Variants in PCDHA1 observed in about 807,000 individuals in gnomAD.
The protein encoded by PCDHA1 is protocadherin alpha-1.
A neutral mutation model predicts 61.3 loss-of-function variants in PCDHA1; 42 were observed. The ratio of observed to expected loss-of-function variants is 0.69; its 90% confidence interval spans 0.54 to 0.89. The LOEUF is 0.89. Among genes scored for constraint, PCDHA1 ranks in the 40% least tolerant of loss-of-function variants. PCDHA1 has a pLI of 0.00. For missense variants in PCDHA1, 1,256 were observed against 1,235.3 expected (o/e 1.02, Z -0.25); for synonymous variants, 610 against 553.8 (o/e 1.10, Z -1.43).
At chr5:140,987,668 G>C (rs1262402590) in intron 3 of PCDHA1, among the ~76,000 whole-genome samples, 1 of 152,082 alleles carries the variant, frequency 6.6e-6, no homozygotes, top group Non-Finnish European at 1.5e-5. Context: ...GAACAATCAG[G>C]GTTTAGTAAA....
At chr5:140,877,663 C>G in intron 1 of PCDHA1, 4 of 1,613,552 alleles carry the variant, frequency 2.5e-6, no homozygotes, top group Non-Finnish European at 3.4e-6. Context: ...CACCGTGAGC[C>G]GGTGCGCGCC....
In PCDHA1 at chr5:140,850,012, G is replaced by A. The variant is rs1415063137; in HGVS notation, c.2394+61328G>A. On this transcript the variant is annotated intron_variant, in intron 1 of 3. Transcript: ENST00000504120. ...CGGTTGGGCGAGCGCTCGCTGTCGAGCTACGTGTCAGTGCACGCGGAGAGC... is the reference window on the plus strand; with the variant it reads ...CGGTTGGGCGAGCGCTCGCTGTCGAACTACGTGTCAGTGCACGCGGAGAGC... 5 of 1,596,912 alleles carry A rather than the reference G, an allele frequency of 3.1e-6. 1 individual carries two copies. In the African/African-American group the frequency reaches 5.4e-5, roughly 17 times the overall value.
At chr5:141,007,749 T>C (rs2098343750) in intron 3 of PCDHA1, among the ~76,000 whole-genome samples, 2 of 152,334 alleles carry the variant, frequency 1.3e-5, no homozygotes, top group South Asian at 4.1e-4. Flanking sequence ...AAGATAACTT[T>C]GGACTCTTAT....
chr5:140,968,232 G>T, intron 1 of PCDHA1: 2 of 1,613,990 alleles, frequency 1.2e-6, no homozygotes, highest in Non-Finnish European at 1.7e-6. Context: ...GTGTTGCTCT[G>T]TACTGTGCAA....
rs192376340 is a variant in PCDHA1 at position 140,857,538 on chromosome 5, G to A, written c.2394+68854G>A. The A allele has an allele frequency of 8.8e-6, 14 of 1,597,348 alleles. No individual in the cohort carries two copies. In the East Asian group the frequency reaches 3.1e-4, roughly 36 times the overall value. On this transcript the variant is annotated intron_variant, in intron 1 of 3. Transcript: ENST00000504120. ...GTGTCCTACTCTCTGGTGGAGCGGC[G>A]GTTGGGCGAGCGCTCGCTGTCGAGC... is the stretch of plus-strand genomic sequence containing the variant.
In PCDHA1 at chr5:141,007,395, CAAAAAAAAA is replaced by C. The variant is rs35800918; in HGVS notation, c.2543-2217_2543-2209del. 1.6e-4 allele frequency among the ~76,000 whole-genome samples: 15 copies of C among 94,844 alleles called. No individual in the cohort carries two copies. The East Asian group carries it at 2.4e-3, about 15-fold the overall frequency. The allele number at this position is 94,844 out of a possible 152,430, so 62.2% of individuals were successfully genotyped here. A position where few individuals can be genotyped will look rare whatever the true frequency, so the allele number is the denominator to read the frequency against. On this transcript the variant is annotated intron_variant, in intron 3 of 3. Transcript: ENST00000504120. The stretch of plus-strand genomic sequence containing the variant: ...ATGGAACACCATCTCTACTAAAATA[CAAAAAAAAA>C]AAAAAAAAAAAAAATTAGCCAGGCA...
chr5:140,970,423 G>A (rs2096404787), intron 1 of PCDHA1, among the ~76,000 whole-genome samples: 1 of 151,762 alleles, frequency 6.6e-6, no homozygotes, highest in Admixed American at 6.6e-5. Context: ...AAGGTGTAGA[G>A]GCAGGTGTTA....
At chr5:140,963,611 A>C (rs955529183) in intron 1 of PCDHA1, among the ~76,000 whole-genome samples, 1 of 152,208 alleles carries the variant, frequency 6.6e-6, no homozygotes, top group Admixed American at 6.5e-5. Context: ...TAATTGGGAA[A>C]GCTTAACTTT....
At chr5:140,917,325 G>A (rs2078036694) in intron 1 of PCDHA1, among the ~76,000 whole-genome samples, 2 of 131,364 alleles carry the variant, frequency 1.5e-5, no homozygotes, top group East Asian at 2.1e-4. Context: ...TTCATGTGGC[G>A]GGGGAGGGGG....
intron 1 of PCDHA1, among the ~76,000 whole-genome samples, chr5:140,792,281 G>T (rs1761704545): frequency 1.3e-5 from 2 of 151,610 alleles, no homozygotes; most frequent in African/African-American, 4.9e-5. Context: ...CTTTTATAAG[G>T]GGCAACCATC....
At chr5:140,916,273 G>C (rs962847536) in intron 1 of PCDHA1, among the ~76,000 whole-genome samples, 7 of 152,176 alleles carry the variant, frequency 4.6e-5, no homozygotes, top group African/African-American at 1.7e-4. Flanking sequence ...CATGCTTGTT[G>C]CTCTACTCCA....
chr5:140,983,118 A>G (rs1251873984), intron 3 of PCDHA1, among the ~76,000 whole-genome samples: 1 of 152,220 alleles, frequency 6.6e-6, no homozygotes, highest in African/African-American at 2.4e-5. Flanking sequence ...CATCAACAAC[A>G]TTCTGCAGAC....
chr5:140,869,589 T>A, intron 1 of PCDHA1: 1 of 1,614,120 alleles, frequency 6.2e-7, no homozygotes. Context: ...ATGCTGACAT[T>A]GAAGAGAATG....
chr5:140,801,744 A>G, intron 1 of PCDHA1: 1 of 1,614,076 alleles, frequency 6.2e-7, no homozygotes, highest in Non-Finnish European at 8.5e-7. Flanking sequence ...CTTGGACGTT[A>G]AAAGAAATGA....
At chr5:140,857,662 TGGG>T (rs782196034) in intron 1 of PCDHA1, 1 of 1,596,528 alleles carries the variant, frequency 6.3e-7, no homozygotes. Context: ...GCGCGCGCGA[TGGG>T]GGCGTGCCGC....
At chr5:140,856,879 G>A in intron 1 of PCDHA1, 1 of 1,593,884 alleles carries the variant, frequency 6.3e-7, no homozygotes, top group Non-Finnish European at 8.6e-7. Context: ...AGGAAATGAT[G>A]TATTCATTTA....
chr5:140,854,718 A>G (rs1417789198), intron 1 of PCDHA1: 1 of 149,960 alleles, frequency 6.7e-6, no homozygotes, highest in Non-Finnish European at 1.5e-5. Flanking sequence ...AAAGACAGAA[A>G]ACTCAAGTTT....
chr5:140,868,853 G>C, intron 1 of PCDHA1: 1 of 466,576 alleles, frequency 2.1e-6, no homozygotes, highest in Non-Finnish European at 3.6e-6. Flanking sequence ...AAATTCTGTG[G>C]TGGTAAATGC....
Position 140,927,881 on chromosome 5 carries a change from T to C in PCDHA1, c.2395-51068T>C, listed in dbSNP as rs781982234. 10 of 1,613,978 alleles carry C rather than the reference T, an allele frequency of 6.2e-6. No homozygotes were observed. Among genetic ancestry groups the C allele is most frequent in the Non-Finnish European group, 8.5e-6 (10 of 1,180,010 alleles). Reference sequence around the variant, plus strand: ...AGCACCGCTAAACTGCTGGTGGAGGTGACTGACGTGAACGATCATGCCCCC... The same window carrying C: ...AGCACCGCTAAACTGCTGGTGGAGGCGACTGACGTGAACGATCATGCCCCC... On this transcript the variant is annotated intron_variant, in intron 1 of 3. Coordinates refer to ENST00000504120, the MANE Select transcript of PCDHA1 (RefSeq NM_018900.4).
Sources: gnomAD v4.1 joint callset for allele counts (sites outside exome capture counted in the v4.1 genomes callset) on GRCh38, gnomAD v4.1.1 for gene constraint, MANE v1.5 for transcripts, NCBI Gene and HGNC (gene_info 2026-07-23, HGNC 2026-07-21) for gene names.